Variants in CEP57 observed in about 807,000 individuals in gnomAD.
CEP57 encodes the protein centrosomal protein of 57 kDa.
A neutral mutation model predicts 68.0 loss-of-function variants in CEP57; 40 were observed. The ratio of observed to expected loss-of-function variants is 0.59; its 90% CI spans 0.46 to 0.77. The LOEUF (loss-of-function observed/expected upper bound fraction) is 0.77. Ranked by LOEUF, CEP57 falls within the 30% of genes least tolerant of loss-of-function variation. The pLI, the probability that CEP57 is intolerant of heterozygous loss-of-function variation, is 0.00. For missense variants in CEP57, 606 were observed against 580.7 expected, an observed-to-expected ratio of 1.04 and a Z score of -0.45; for synonymous variants, 219 against 198.7, an observed-to-expected ratio of 1.10 and a Z score of -0.86.
chr11:95,831,173 A>C lies in CEP57; in HGVS notation c.1420A>C (p.Arg474=). 4.3e-6 allele frequency: 7 copies of C among 1,613,558 alleles called. No homozygotes were observed. The highest frequency in any genetic ancestry group is 5.9e-6 in the Non-Finnish European group (7 of 1,179,644). The part of the protein sequence containing the change: ...DFMKLRPGEK[R]RKNLQLLKDM... ...TATGAAACTGAGACCTGGAGAAAAA[A>C]GGAGAAAAAATCTTCAGTTATTGAA... The change falls in exon 11 of 11, where the codon AGG becomes CGG. Residue 474 remains arginine (R), a synonymous_variant. Transcript: ENST00000325542.
At chr11:95,806,080 T>G (rs1053621666) in intron 2 of CEP57, among the ~76,000 whole-genome samples, 1 of 152,218 alleles carries the variant, frequency 6.6e-6, no homozygotes, top group Non-Finnish European at 1.5e-5. Flanking sequence ...TGATGACTTC[T>G]GACCCAATTA....
At position 95,804,126 on chromosome 11, in the gene CEP57, A is replaced by G. The variant is rs1565315062; in HGVS notation, c.202+4738A>G. 2.6e-5 allele frequency among the ~76,000 whole-genome samples: 4 copies of G among 152,236 alleles called. No homozygotes were observed. The South Asian group carries it at 8.3e-4, about 31-fold the overall frequency. On this transcript the variant is annotated intron_variant, in intron 2 of 10. Coordinates refer to ENST00000325542, the MANE Select transcript of CEP57 (RefSeq NM_014679.5). ...TGATTACGTCAACTCAAAAGCCAAT[A>G]TATGCTTTTTAAGTAAAACCTGAAA...
Position 95,831,106 on chromosome 11 carries a change from C to T in CEP57, c.1353C>T (p.Ser451=). 6.2e-7 allele frequency: 1 copy of T among 1,613,384 alleles called. No homozygotes were observed. Among genetic ancestry groups the T allele is most frequent in the Non-Finnish European group, 8.5e-7 (1 of 1,179,516 alleles). The change falls in exon 11 of 11, where the codon AGC becomes AGT. Residue 451 remains serine (S), a synonymous_variant. Coordinates refer to ENST00000325542, the MANE Select transcript of CEP57 (RefSeq NM_014679.5). ...CTCTTGATGAAGAAAGAAACAGCAG[C>T]AGCCGTTCTGGAATCACAGGGACCA... ...KKTLDEERNS[S]SRSGITGTTN...
chr11:95,822,072 A>G, intron 7 of CEP57, 94 bp downstream of exon 7: 1 of 833,584 alleles, frequency 1.2e-6, no homozygotes, highest in South Asian at 1.5e-5. Context: ...TACAACCTTG[A>G]GAGAGTAAAT....
intron 2 of CEP57, 110 bp from the exon 3 acceptor site, chr11:95,812,822 C>G: frequency 1.1e-6 from 1 of 924,906 alleles, no homozygotes; most frequent in South Asian, 1.3e-5. Flanking sequence ...TGATCCTCCA[C>G]TGGACTCATC....
rs1862910652 is a variant in CEP57 at position 95,829,488 on chromosome 11, G to T, written c.1272+157G>T. Among the ~76,000 whole-genome samples the T allele has an allele frequency of 2.6e-5, 4 of 152,208 alleles. No individual in the cohort carries two copies. The South Asian group carries it at 8.3e-4, about 32-fold the overall frequency. On this transcript the variant is annotated intron_variant, in intron 10 of 10. Transcript: ENST00000325542. ...TTTGTTCATTGAGAATTGGTAAGTG[G>T]ATTAAGAAAGAAGACACTTTTAGTC...
intron 1 of CEP57, among the ~76,000 whole-genome samples, chr11:95,793,017 A>T (rs932671401): frequency 1.3e-5 from 2 of 152,208 alleles, no homozygotes; most frequent in African/African-American, 4.8e-5. Flanking sequence ...TGTTATATTC[A>T]ACTGTTTTCG....
At chr11:95,794,216 T>C (rs1375038750) in intron 1 of CEP57, 17 of 454,330 alleles carry the variant, frequency 3.7e-5, no homozygotes, top group East Asian at 7.0e-5. Flanking sequence ...CTTTTTTTTT[T>C]CCAGACCAGA....
chr11:95,790,879 G>C (rs1323802694), intron 1 of CEP57, 136 bp downstream of exon 1: 1 of 1,005,078 alleles, frequency 9.9e-7, no homozygotes, highest in Non-Finnish European at 1.5e-6. Flanking sequence ...ATTGCCCCGC[G>C]CTCCCCAAGC....
chr11:95,807,880 T>TA (rs1417976066), intron 2 of CEP57, among the ~76,000 whole-genome samples: 12 of 152,092 alleles, frequency 7.9e-5, no homozygotes, highest in African/African-American at 2.9e-4. Context: ...GCCACAAAGA[T>TA]ACTCCTCAAG....
chr11:95,817,731 GTTTTTCTC>G lies in CEP57; in HGVS notation c.505-50_505-43del. ...ACAGCATAGAAAAACACTGCTCAGT[GTTTTTCTC>G]TTTTTTGATTGTCAAATTATCAAGC... On this transcript the variant is annotated intron_variant, in intron 4 of 10. Coordinates refer to ENST00000325542, the MANE Select transcript of CEP57 (RefSeq NM_014679.5). The G allele has an allele frequency of 2.5e-6, 3 of 1,204,976 alleles. No individual in the cohort carries two copies. In the South Asian group the frequency reaches 3.6e-5, roughly 15 times the overall value. 74.6% of individuals were successfully genotyped at this position (1,204,976 alleles called of 1,614,324 possible). A position where few individuals can be genotyped will look rare whatever the true frequency, so the allele number is the denominator to read the frequency against.
At chr11:95,829,514 A>T (rs908452215) in intron 10 of CEP57, among the ~76,000 whole-genome samples, 183 bp downstream of exon 10, 4 of 152,222 alleles carry the variant, frequency 2.6e-5, no homozygotes, top group Admixed American at 2.6e-4. Flanking sequence ...ACTTTTAGTC[A>T]CTTAGCATAT....
chr11:95,793,445 C>G (rs748441180), intron 1 of CEP57, among the ~76,000 whole-genome samples: 1 of 152,090 alleles, frequency 6.6e-6, no homozygotes, highest in East Asian at 1.9e-4. Flanking sequence ...CACAGTAGCT[C>G]CATATTAATT....
intron 1 of CEP57, among the ~76,000 whole-genome samples, chr11:95,797,446 G>A (rs902532056): frequency 7.2e-5 from 11 of 152,056 alleles, no homozygotes; most frequent in Non-Finnish European, 1.2e-4. Flanking sequence ...GGGATTACAG[G>A]CATGAGCCAC....
At chr11:95,791,676 T>C (rs1861085526) in intron 1 of CEP57, among the ~76,000 whole-genome samples, 1 of 152,154 alleles carries the variant, frequency 6.6e-6, no homozygotes, top group African/African-American at 2.4e-5. Flanking sequence ...AGGGGAGTGA[T>C]TAACAGTGCT....
chr11:95,795,466 G>T (rs866378090), intron 1 of CEP57: 2 of 434,100 alleles, frequency 4.6e-6, no homozygotes. Context: ...ACGAAATTGG[G>T]ATTCTTCCTT....
chr11:95,794,283 A>AC (rs1418211793), intron 1 of CEP57: 5 of 455,828 alleles, frequency 1.1e-5, no homozygotes, highest in Non-Finnish European at 2.2e-5. Flanking sequence ...CTGTGACTCA[A>AC]CCCGTATCAT....
At chr11:95,810,001 C>T (rs1046949032) in intron 2 of CEP57, among the ~76,000 whole-genome samples, 2 of 152,130 alleles carry the variant, frequency 1.3e-5, no homozygotes, top group Non-Finnish European at 2.9e-5. Flanking sequence ...GCTTATCCAC[C>T]AAGATCAAGT....
chr11:95,828,721 C>CAAAAT (rs1374418566), intron 9 of CEP57, among the ~76,000 whole-genome samples: 20 of 152,032 alleles, frequency 1.3e-4, no homozygotes, highest in Admixed American at 8.5e-4. Flanking sequence ...CTTGCATTTC[C>CAAAAT]CTCTAGTGCC....
Sources: allele counts gnomAD v4.1 joint callset (sites outside exome capture counted in the v4.1 genomes callset), GRCh38; gene constraint gnomAD v4.1.1; transcripts MANE v1.5; gene names NCBI Gene and HGNC (gene_info 2026-07-23, HGNC 2026-07-21).